Variants in SH3BP2 observed in about 807,000 individuals in gnomAD.
The protein encoded by SH3BP2 is SH3 domain-binding protein 2.
In SH3BP2, 38 loss-of-function variants were observed where a neutral mutation model predicts 56.2. That is an observed-to-expected ratio of 0.68 (90% CI 0.52 to 0.89). The LOEUF (loss-of-function observed/expected upper bound fraction) is 0.89. SH3BP2 is among the 40% of genes least tolerant of loss of function. SH3BP2 has a pLI of 0.00. For synonymous variants in SH3BP2, 346 were observed against 316.7 expected (o/e 1.09, Z -0.98); for missense variants, 748 against 762.6 (o/e 0.98, Z 0.23).
At chr4:2,812,271 C>A in intron 1 of SH3BP2, 1 of 1,539,294 alleles carries the variant, frequency 6.5e-7, no homozygotes, top group East Asian at 2.5e-5. Flanking sequence ...GGGGAGGAAG[C>A]ACCGGCGGCC....
At position 2,810,119 on chromosome 4, in the gene SH3BP2, G is replaced by A. The variant is rs1723685846; in HGVS notation, c.-4-10495G>A. On this transcript the variant is annotated intron_variant, in intron 1 of 12. Coordinates refer to ENST00000503393, the MANE Select transcript of SH3BP2 (RefSeq NM_001122681.2). This position sits in a 1 kb window ranked among gnomAD's most constrained non-coding sequence, Gnocchi z 4.2. ...TGAACGGCAGTGTCATATGCCGCAG[G>A]GATGAAGAGGAATTGAGAGAGCAAT... Among the ~76,000 whole-genome samples, 1 of 152,200 alleles carries A rather than the reference G, an allele frequency of 6.6e-6. No individual in the cohort carries two copies.
chr4:2,821,427 A>G (rs954144814), intron 2 of SH3BP2, among the ~76,000 whole-genome samples: 1 of 152,216 alleles, frequency 6.6e-6, no homozygotes, highest in Non-Finnish European at 1.5e-5. Flanking sequence ...AGGAGCTGTA[A>G]CTGGCTTGTC....
At chr4:2,833,504 G>A in intron 12 of SH3BP2, 193 bp from the exon 13 acceptor site, 1 of 681,712 alleles carries the variant, frequency 1.5e-6, no homozygotes, top group Non-Finnish European at 2.6e-6. Flanking sequence ...GAGGACGGAG[G>A]GGAAGTGAGG....
intron 1 of SH3BP2, among the ~76,000 whole-genome samples, chr4:2,794,493 G>C (rs1289615152): frequency 6.6e-6 from 1 of 152,220 alleles, no homozygotes; most frequent in Non-Finnish European, 1.5e-5. Context: ...AGGGCTGCAA[G>C]GGAGTGAGGA....
intron 1 of SH3BP2, among the ~76,000 whole-genome samples, chr4:2,799,526 G>A (rs528227106): frequency 5.3e-4 from 80 of 152,312 alleles, no homozygotes; most frequent in African/African-American, 1.8e-3. Context: ...AAGTTGCTGG[G>A]GAAGGAAGAA....
At chr4:2,832,896 G>A in intron 11 of SH3BP2, 94 bp from the exon 12 acceptor site, 1 of 1,295,188 alleles carries the variant, frequency 7.7e-7, no homozygotes, top group Non-Finnish European at 1.1e-6. Flanking sequence ...ACCCAGCCTT[G>A]ATGGTTCTGC....
chr4:2,797,179 G>A (rs1028343574), intron 1 of SH3BP2, among the ~76,000 whole-genome samples: 3 of 152,152 alleles, frequency 2.0e-5, no homozygotes, highest in Admixed American at 6.5e-5. Flanking sequence ...ACTGTCCTGA[G>A]CTAGGCATAG....
intron 4 of SH3BP2, 144 bp downstream of exon 4, chr4:2,824,874 G>A: frequency 1.4e-6 from 1 of 716,688 alleles, no homozygotes; most frequent in Non-Finnish European, 2.4e-6. Flanking sequence ...TGGGACACAG[G>A]CAGCTGGGTG....
In SH3BP2 at chr4:2,831,232, G is replaced by C. The variant is rs2108740659; in HGVS notation, c.1242-339G>C. ...CGTCCACTCCCCTGTGGCTCTGAGT[G>C]GGCTGTGATTTGGCCATGACCGGAC... On this transcript the variant is annotated intron_variant, in intron 8 of 12. Coordinates refer to ENST00000503393, the MANE Select transcript of SH3BP2 (RefSeq NM_001122681.2). This position sits in a 1 kb window ranked among gnomAD's most constrained non-coding sequence, Gnocchi z 4.1. Among the ~76,000 whole-genome samples the C allele has an allele frequency of 6.6e-6, 1 of 152,324 alleles. No individual in the cohort carries two copies. The highest frequency in any genetic ancestry group is 1.5e-5 in the Non-Finnish European group (1 of 68,026).
In SH3BP2 at chr4:2,840,241, A is replaced by G. The variant is rs902192637; in HGVS notation, c.*6407A>G. The G allele has an allele frequency of 4.6e-5, 7 of 151,358 alleles. No individual in the cohort carries two copies. Among genetic ancestry groups the G allele is most frequent in the African/African-American group, 1.5e-4 (6 of 41,208 alleles). 9.4% of individuals were successfully genotyped at this position (151,358 alleles called of 1,614,324 possible). A position where few individuals can be genotyped will look rare whatever the true frequency, so the allele number is the denominator to read the frequency against. On this transcript the variant is annotated 3_prime_UTR_variant, in exon 13 of 13. Transcript: ENST00000503393. Reference sequence around the variant, plus strand: ...CCCTATCTCAAAAAAAACCAAAAAAAAAAAAAAAAAAAAGAAAACCACTGA... The same window carrying G: ...CCCTATCTCAAAAAAAACCAAAAAAGAAAAAAAAAAAAAGAAAACCACTGA...
At position 2,833,982 on chromosome 4, in the gene SH3BP2, GC is replaced by G; in HGVS notation, c.*150del. The stretch of plus-strand genomic sequence containing the variant: ...TGTGATGGACATCTCGTAGGACCCA[GC>G]CAGTCTCATCCAGCAGGTTGGGTTC... On this transcript the variant is annotated 3_prime_UTR_variant, in exon 13 of 13. Transcript: ENST00000503393. 1.0e-6 allele frequency: 1 copy of G among 965,478 alleles called. No homozygotes were observed. The highest frequency in any genetic ancestry group is 1.5e-6 in the Non-Finnish European group (1 of 667,042). 59.8% of individuals were successfully genotyped at this position (965,478 alleles called of 1,614,324 possible).
At chr4:2,821,289 T>C (rs182065001) in intron 2 of SH3BP2, among the ~76,000 whole-genome samples, 1 of 152,330 alleles carries the variant, frequency 6.6e-6, no homozygotes, top group East Asian at 1.9e-4. Context: ...GCCTTTGCAG[T>C]AGCAGTGCCC....
intron 3 of SH3BP2, chr4:2,823,308 G>C (rs1724410450): frequency 1.8e-6 from 1 of 555,888 alleles, no homozygotes; most frequent in Non-Finnish European, 3.4e-6. Flanking sequence ...CTGCTCTCCA[G>C]AGTCTCCACT....
intron 1 of SH3BP2, among the ~76,000 whole-genome samples, chr4:2,800,976 G>C (rs879584897): frequency 9.2e-5 from 14 of 151,614 alleles, no homozygotes; most frequent in Non-Finnish European, 1.8e-4. Flanking sequence ...CAGAAAGGCT[G>C]TGACAGGCTG....
chr4:2,831,454 G>A lies in SH3BP2; in HGVS notation c.1242-117G>A, dbSNP rs911078887. The A allele has an allele frequency of 3.9e-6, 3 of 773,834 alleles. No homozygotes were observed. Among genetic ancestry groups the A allele is most frequent in the Non-Finnish European group, 6.8e-6 (3 of 440,490 alleles). The allele number at this position is 773,834 out of a possible 1,614,324, so 47.9% of individuals were successfully genotyped here. Reference sequence around the variant, plus strand: ...TCCTGAGCTTTTTAGGGTCACAGGGGCCATAGCAGGCAGCTTGCCGTCCTC... The same window carrying A: ...TCCTGAGCTTTTTAGGGTCACAGGGACCATAGCAGGCAGCTTGCCGTCCTC... On this transcript the variant is annotated intron_variant, in intron 8 of 12. Transcript: ENST00000503393. This position sits in a 1 kb window ranked among gnomAD's most constrained non-coding sequence, Gnocchi z 4.1.
rs201983881 is a variant in SH3BP2, at chr4:2,829,550, C to G, written c.644C>G (p.Pro215Arg). 1.9e-5 allele frequency: 31 copies of G among 1,613,654 alleles called. No individual in the cohort carries two copies. In the Admixed American group the frequency reaches 5.2e-4, roughly 27 times the overall value. The change falls in exon 8 of 13, where the codon CCA (proline) becomes CGA (arginine). Residue 215 changes from proline to arginine, a missense_variant. Coordinates refer to ENST00000503393, the MANE Select transcript of SH3BP2 (RefSeq NM_001122681.2). The surrounding 1 kb of genome is among the most constrained non-coding windows in gnomAD (Gnocchi z 4.9). ...PPPPVPTPRK[P>R]AFSDMPRAHS... ...CCCCCAGTGCCCACGCCCAGGAAGC[C>G]AGCCTTCTCTGACATGCCCCGGGCC...
At chr4:2,820,550 G>A (rs972052016) in intron 1 of SH3BP2, 64 bp from the exon 2 acceptor site, 31 of 1,601,168 alleles carry the variant, frequency 1.9e-5, no homozygotes, top group Admixed American at 1.7e-4. Flanking sequence ...CCCCCTGAGC[G>A]CCCTGGCTCA....
rs1480367081 is a variant in SH3BP2 at position 2,837,454 on chromosome 4, G to C, written c.*3620G>C. 6.6e-6 allele frequency: 1 copy of C among 152,398 alleles called. No individual in the cohort carries two copies. The highest frequency in any genetic ancestry group is 1.5e-5 in the Non-Finnish European group (1 of 68,126). 9.4% of individuals were successfully genotyped at this position (152,398 alleles called of 1,614,324 possible). A position where few individuals can be genotyped will look rare whatever the true frequency, so the allele number is the denominator to read the frequency against. On this transcript the variant is annotated 3_prime_UTR_variant, in exon 13 of 13. Coordinates refer to ENST00000503393, the MANE Select transcript of SH3BP2 (RefSeq NM_001122681.2). ...CCAGGGAGGTGCTTCCTGCACCTCA[G>C]GATGGGCGAGGGTGGGCATTGGGGG...
At position 2,810,010 on chromosome 4, in the gene SH3BP2, G is replaced by A. The variant is rs114252443; in HGVS notation, c.-4-10604G>A. ...CCCCCTGCTTGGATGCAGGCGTGGG[G>A]TCATCTCCATGGTTACCGGCACAGG... On this transcript the variant is annotated intron_variant, in intron 1 of 12. Transcript: ENST00000503393. This position sits in a 1 kb window ranked among gnomAD's most constrained non-coding sequence, Gnocchi z 4.2. Among the ~76,000 whole-genome samples the A allele has an allele frequency of 0.019, 2,849 of 152,330 alleles. 48 individuals carry two copies. The highest frequency in any genetic ancestry group is 0.027 in the Non-Finnish European group (1,825 of 68,020).
Sources: allele counts gnomAD v4.1 joint callset (sites outside exome capture counted in the v4.1 genomes callset), GRCh38; gene constraint gnomAD v4.1.1; non-coding constraint Gnocchi (gnomAD v3.1); transcripts MANE v1.5; gene names NCBI Gene and HGNC (gene_info 2026-07-23, HGNC 2026-07-21).